Variants in SCHIP1 observed in about 807,000 individuals in gnomAD.
SCHIP1 encodes the protein schwannomin-interacting protein 1.
In SCHIP1, 8 loss-of-function variants were observed where a neutral mutation model predicts 29.7. The observed-to-expected ratio is 0.27, with a 90% CI of 0.16 to 0.49. The LOEUF (loss-of-function observed/expected upper bound fraction) is 0.49. SCHIP1 is among the 20% of genes least tolerant of loss of function. The probability of loss-of-function intolerance (pLI) is 0.99; values close to 1 mark genes in which losing one functional copy is unlikely to be tolerated. For synonymous variants in SCHIP1, 76 were observed against 94.9 expected (o/e 0.80, Z 1.16); for missense variants, 193 against 294.6 (o/e 0.66, Z 2.52).
chr3:159,478,161 G>A, the SCHIP1 span, among the ~76,000 whole-genome samples: 2 of 151,890 alleles, frequency 1.3e-5, no homozygotes, highest in African/African-American at 2.4e-5. Context: ...GACCTCAGGT[G>A]GTCCACCCAC....
the SCHIP1 span, among the ~76,000 whole-genome samples, chr3:159,597,854 C>T: frequency 2.6e-5 from 4 of 152,140 alleles, no homozygotes; most frequent in African/African-American, 9.7e-5. Flanking sequence ...AAGATACTAC[C>T]CATGACTGGG....
the SCHIP1 span, among the ~76,000 whole-genome samples, chr3:159,741,338 A>G: frequency 6.6e-6 from 1 of 152,250 alleles, no homozygotes; most frequent in Non-Finnish European, 1.5e-5. Flanking sequence ...ATATTATAGC[A>G]GTAATTTTCA....
At chr3:159,328,597 C>A in the SCHIP1 span, among the ~76,000 whole-genome samples, 1 of 152,070 alleles carries the variant, frequency 6.6e-6, no homozygotes, top group Non-Finnish European at 1.5e-5. Flanking sequence ...AGTAGAAGTG[C>A]GAACCAAGAA....
At chr3:159,399,550 G>A in the SCHIP1 span, among the ~76,000 whole-genome samples, 1 of 152,078 alleles carries the variant, frequency 6.6e-6, no homozygotes, top group Non-Finnish European at 1.5e-5. Flanking sequence ...ACTTACTGAA[G>A]CACCAGAATC....
the SCHIP1 span, among the ~76,000 whole-genome samples, chr3:159,613,600 A>G: frequency 2.6e-5 from 4 of 152,218 alleles, no homozygotes; most frequent in Non-Finnish European, 5.9e-5. Flanking sequence ...CTTAAGATGC[A>G]TCCTGACAGC....
the SCHIP1 span, among the ~76,000 whole-genome samples, chr3:159,334,959 G>A: frequency 6.6e-6 from 1 of 150,568 alleles, no homozygotes; most frequent in Non-Finnish European, 1.5e-5. Context: ...GGAGTGTAGT[G>A]CTGCGATCTC....
chr3:159,691,220 T>A, the SCHIP1 span, among the ~76,000 whole-genome samples: 1 of 152,248 alleles, frequency 6.6e-6, no homozygotes, highest in African/African-American at 2.4e-5. Context: ...TGTGTGGGAG[T>A]CTAAGTCTCT....
chr3:159,864,470 T>TACACACACACACAC (rs58371525), intron 1 of SCHIP1, among the ~76,000 whole-genome samples: 2,133 of 139,850 alleles, frequency 0.015, 28 homozygotes, highest in East Asian at 0.043. Flanking sequence ...ATGGCTGTAC[T>TACACACACACACAC]ACACACACAC....
the SCHIP1 span, among the ~76,000 whole-genome samples, chr3:159,583,464 G>C: frequency 2.0e-5 from 3 of 152,122 alleles, no homozygotes; most frequent in African/African-American, 7.2e-5. Context: ...TTGACAAGGA[G>C]AATATCCGCT....
chr3:159,691,670 A>C, the SCHIP1 span, among the ~76,000 whole-genome samples: 5 of 152,148 alleles, frequency 3.3e-5, 1 homozygote, highest in Admixed American at 2.6e-4. Flanking sequence ...TTTGCCCATT[A>C]GTTGCTGCAG....
chr3:159,366,994 G>T, the SCHIP1 span, among the ~76,000 whole-genome samples: 3 of 152,254 alleles, frequency 2.0e-5, no homozygotes, highest in African/African-American at 7.2e-5. Context: ...TGAAGATCTA[G>T]CAACAATATC....
the SCHIP1 span, among the ~76,000 whole-genome samples, chr3:159,520,950 T>G: frequency 0.53 from 80,193 of 152,056 alleles, 21,453 homozygotes; most frequent in East Asian, 0.69. Context: ...ATATGAACTG[T>G]GATTTTAAAC....
the SCHIP1 span, among the ~76,000 whole-genome samples, chr3:159,668,544 C>A: frequency 6.6e-6 from 1 of 151,978 alleles, no homozygotes; most frequent in Non-Finnish European, 1.5e-5. Flanking sequence ...AGGTGGATGG[C>A]GTGTCTCATC....
chr3:159,299,930 G>A, the SCHIP1 span, among the ~76,000 whole-genome samples: 12 of 152,002 alleles, frequency 7.9e-5, no homozygotes, highest in Non-Finnish European at 1.5e-4. Context: ...AAATTGTCCT[G>A]TCTGGCTATG....
the SCHIP1 span, among the ~76,000 whole-genome samples, chr3:159,336,433 G>T: frequency 1.3e-5 from 2 of 152,188 alleles, no homozygotes; most frequent in Admixed American, 1.3e-4. Context: ...CCTATGTCCT[G>T]AATGGTATTG....
At chr3:159,747,657 C>A in the SCHIP1 span, among the ~76,000 whole-genome samples, 6 of 151,944 alleles carry the variant, frequency 3.9e-5, no homozygotes, top group Non-Finnish European at 8.8e-5. Flanking sequence ...GGTATGACCA[C>A]GGGTTCAGTA....
chr3:159,854,814 A>G (rs566558509), intron 1 of SCHIP1, among the ~76,000 whole-genome samples: 1 of 152,198 alleles, frequency 6.6e-6, no homozygotes, highest in Non-Finnish European at 1.5e-5. Flanking sequence ...AAAATGAAAC[A>G]TACCATTGCT....
the SCHIP1 span, among the ~76,000 whole-genome samples, chr3:159,655,684 T>C: frequency 6.6e-6 from 1 of 152,044 alleles, no homozygotes. Context: ...GGTCAGGTGT[T>C]TGAGACAAGC....
chr3:159,312,052 C>T, the SCHIP1 span, among the ~76,000 whole-genome samples: 2 of 152,150 alleles, frequency 1.3e-5, no homozygotes, highest in Admixed American at 1.3e-4. Flanking sequence ...AGTTATAAGA[C>T]AGAGTATTGT....
Sources: gnomAD v4.1 joint callset for allele counts (sites outside exome capture counted in the v4.1 genomes callset) on GRCh38, gnomAD v4.1.1 for gene constraint, MANE v1.5 for transcripts, NCBI Gene and HGNC (gene_info 2026-07-23, HGNC 2026-07-21) for gene names.